DLG2: variants seen among roughly 807,000 people sequenced by gnomAD.
DLG2 encodes the protein disks large homolog 2.
DLG2 carries 45 observed loss-of-function variants against 132.5 expected under a neutral mutation model. The observed-to-expected ratio is 0.34, with a 90% CI of 0.27 to 0.44. The LOEUF (loss-of-function observed/expected upper bound fraction) is 0.44, where lower values mean the gene tolerates loss of function less well. Among genes scored for constraint, DLG2 ranks in the 20% least tolerant of loss-of-function variants. DLG2 has a pLI of 1.00. For missense variants in DLG2, 1,045 were observed against 1,196.9 expected, an observed-to-expected ratio of 0.87 and a Z score of 1.87; for synonymous variants, 424 against 419.6, an observed-to-expected ratio of 1.01 and a Z score of -0.13.
At chr11:84,677,803 G>T (rs1381161139) in intron 6 of DLG2, among the ~76,000 whole-genome samples, 3 of 152,024 alleles carry the variant, frequency 2.0e-5, no homozygotes, top group African/African-American at 7.2e-5. Flanking sequence ...TTAGGCAGGA[G>T]GATTTAGTGC....
At chr11:84,362,311 C>A (rs1252018966) in intron 7 of DLG2, among the ~76,000 whole-genome samples, 1 of 151,882 alleles carries the variant, frequency 6.6e-6, no homozygotes, top group Non-Finnish European at 1.5e-5. Context: ...AATGGTAACT[C>A]TAAGAAATCC....
intron 21 of DLG2, among the ~76,000 whole-genome samples, chr11:83,495,667 A>G (rs1481720831): frequency 1.3e-5 from 2 of 152,128 alleles, no homozygotes; most frequent in Non-Finnish European, 1.5e-5. Flanking sequence ...CCCCAAAACA[A>G]TATTTTCAGC....
chr11:84,746,882 C>G (rs1158450995), intron 6 of DLG2, among the ~76,000 whole-genome samples: 1 of 152,088 alleles, frequency 6.6e-6, no homozygotes, highest in Non-Finnish European at 1.5e-5. Flanking sequence ...TGTGGCAGTT[C>G]TAGACTTCAC....
chr11:84,132,852 A>G (rs1293574976), intron 9 of DLG2, among the ~76,000 whole-genome samples: 2 of 152,074 alleles, frequency 1.3e-5, no homozygotes, highest in African/African-American at 4.8e-5. Context: ...TGGATGAAAC[A>G]GCACTTCAAC....
rs181647646 is a variant in DLG2, at chr11:83,985,999, A to G, written c.920-5357T>C. ...TGTAAAAGCATTCCTTTTTCTCCAC[A>G]ACCTCACCAGTGTCTGTTGTTTTTT... On this transcript the variant is annotated intron_variant, in intron 11 of 27. Coordinates refer to ENST00000376104, the MANE Select transcript of DLG2 (RefSeq NM_001142699.3). 4.6e-3 allele frequency among the ~76,000 whole-genome samples: 701 copies of G among 152,184 alleles called. 4 individuals are homozygous for G. Among genetic ancestry groups the G allele is most frequent in the Middle Eastern group, 0.027 (8 of 294 alleles).
rs372384467 is a variant in DLG2, at chr11:84,785,044, G to A, written c.358-250313C>T. 1.2e-3 allele frequency among the ~76,000 whole-genome samples: 176 copies of A among 151,902 alleles called. 4 individuals carry two copies. The South Asian group carries it at 0.026, about 22-fold the overall frequency. ...CGATGTATGTATACTTTAAAACATC[G>A]CATGGTTCACATAAATACATACAAT... On this transcript the variant is annotated intron_variant, in intron 6 of 27. Coordinates refer to ENST00000376104, the MANE Select transcript of DLG2 (RefSeq NM_001142699.3).
At chr11:83,497,546 AC>A (rs61466378) in intron 21 of DLG2, among the ~76,000 whole-genome samples, 5 of 80,962 alleles carry the variant, frequency 6.2e-5, no homozygotes, top group Non-Finnish European at 1.6e-4. Flanking sequence ...AAAACAAAAA[AC>A]AAAAAACAAA....
chr11:84,756,652 T>C (rs149861524), intron 6 of DLG2, among the ~76,000 whole-genome samples: 112 of 152,348 alleles, frequency 7.4e-4, no homozygotes, highest in African/African-American at 2.5e-3. Context: ...TAACAGTTAC[T>C]ATTTTTCTTT....
intron 8 of DLG2, among the ~76,000 whole-genome samples, chr11:84,238,748 C>A (rs997183300): frequency 7.2e-5 from 11 of 151,746 alleles, no homozygotes; most frequent in Non-Finnish European, 1.5e-4. Flanking sequence ...TTACTCCAGT[C>A]TCATTTCCTC....
intron 7 of DLG2, among the ~76,000 whole-genome samples, chr11:84,296,267 T>C (rs1305292112): frequency 6.9e-6 from 1 of 145,756 alleles, no homozygotes; most frequent in Non-Finnish European, 1.5e-5. Context: ...ATAAAATACT[T>C]AGAATGAACA....
chr11:85,399,313 C>G (rs1383612749), intron 3 of DLG2, among the ~76,000 whole-genome samples: 1 of 152,174 alleles, frequency 6.6e-6, no homozygotes, highest in African/African-American at 2.4e-5. Flanking sequence ...ATTCCATGCT[C>G]ATGGGTAGGA....
chr11:85,273,539 C>T (rs543663616), intron 4 of DLG2, among the ~76,000 whole-genome samples: 20 of 152,164 alleles, frequency 1.3e-4, no homozygotes, highest in Middle Eastern at 3.4e-3. Flanking sequence ...GAAATGCAAA[C>T]CAAAACCACA....
chr11:83,641,618 G>A lies in DLG2; in HGVS notation c.1826-8293C>T, dbSNP rs549250348. ...CGTCATTAGGAACTATTTGAGGAGC[G>A]TGGCTCCCCTCCCAGATACGCACTG... On this transcript the variant is annotated intron_variant, in intron 18 of 27. Transcript: ENST00000376104. Among the ~76,000 whole-genome samples, 27 of 152,226 alleles carry A rather than the reference G, an allele frequency of 1.8e-4. No individual in the cohort carries two copies. In the South Asian group the frequency reaches 2.1e-3, roughly 12 times the overall value.
intron 18 of DLG2, among the ~76,000 whole-genome samples, chr11:83,764,248 G>A (rs1301724334): frequency 6.6e-6 from 1 of 152,154 alleles, no homozygotes; most frequent in East Asian, 1.9e-4. Flanking sequence ...AGTGATTGTG[G>A]AGGGAGTAAT....
chr11:83,565,931 T>C (rs1355643727), intron 19 of DLG2, among the ~76,000 whole-genome samples: 3 of 152,190 alleles, frequency 2.0e-5, no homozygotes, highest in Admixed American at 6.5e-5. Context: ...GTATGCCATA[T>C]TGCAGGCCCC....
At chr11:83,917,533 T>C (rs1360445775) in intron 15 of DLG2, among the ~76,000 whole-genome samples, 1 of 152,190 alleles carries the variant, frequency 6.6e-6, no homozygotes, top group East Asian at 1.9e-4. Flanking sequence ...TCAGTTTCTG[T>C]GTCCTAACTC....
chr11:83,659,095 A>T (rs1282007938), intron 18 of DLG2, among the ~76,000 whole-genome samples: 1 of 152,144 alleles, frequency 6.6e-6, no homozygotes, highest in Non-Finnish European at 1.5e-5. Context: ...GTAGTTTCTG[A>T]TACACATAAG....
intron 6 of DLG2, among the ~76,000 whole-genome samples, chr11:85,054,096 C>T (rs765080597): frequency 6.6e-6 from 1 of 151,756 alleles, no homozygotes; most frequent in Non-Finnish European, 1.5e-5. Flanking sequence ...GAAACCACAT[C>T]TCTAATAAAA....
At chr11:84,841,346 A>T (rs76452148) in intron 6 of DLG2, among the ~76,000 whole-genome samples, 7,526 of 152,046 alleles carry the variant, frequency 0.049, 346 homozygotes, top group East Asian at 0.24. Flanking sequence ...AACATCTGTT[A>T]GCTCTGTGTT....
Sources: allele counts gnomAD v4.1 joint callset (sites outside exome capture counted in the v4.1 genomes callset), GRCh38; gene constraint gnomAD v4.1.1; transcripts MANE v1.5; gene names NCBI Gene and HGNC (gene_info 2026-07-23, HGNC 2026-07-21).